The following PDE6B variants were observed in gnomAD, a reference collection of about 807,000 sequenced individuals.
The protein encoded by PDE6B is phosphodiesterase 6B, also known as rod cGMP-specific 3',5'-cyclic phosphodiesterase subunit beta.
PDE6B carries 106 observed loss-of-function variants against 109.0 expected under a neutral mutation model. The ratio of observed to expected loss-of-function variants is 0.97; its 90% CI spans 0.83 to 1.14. PDE6B has a LOEUF of 1.14. Ranked by LOEUF, PDE6B falls within the 50% of genes most tolerant of loss-of-function variation. The probability of loss-of-function intolerance (pLI) is 0.00; values close to 1 mark genes in which losing one functional copy is unlikely to be tolerated. For missense variants in PDE6B, 1,193 were observed against 1,155.6 expected (o/e 1.03, Z -0.47); for synonymous variants, 490 against 471.3 (o/e 1.04, Z -0.51).
rs537200554 is a variant in PDE6B, at chr4:626,259, T to A, written c.468+165T>A. Among the ~76,000 whole-genome samples, 13 of 152,334 alleles carry A rather than the reference T, an allele frequency of 8.5e-5. No individual in the cohort carries two copies. In the South Asian group the frequency reaches 2.7e-3, roughly 32 times the overall value. ...AGTACCTAGAGCCCCCTCCCGGCACTGTGCCCTGGCCGCCTGCCTCTCCGA... is the reference window on the plus strand; with the variant it reads ...AGTACCTAGAGCCCCCTCCCGGCACAGTGCCCTGGCCGCCTGCCTCTCCGA... On this transcript the variant is annotated intron_variant, in intron 1 of 21. Coordinates refer to ENST00000496514, the MANE Select transcript of PDE6B (RefSeq NM_000283.4). This position sits in a 1 kb window ranked among gnomAD's most constrained non-coding sequence, Gnocchi z 4.6.
intron 6 of PDE6B, chr4:655,579 G>A (rs1736119504): frequency 5.0e-6 from 2 of 398,420 alleles, no homozygotes; most frequent in Non-Finnish European, 9.5e-6. Flanking sequence ...AGCCTGGGGA[G>A]GAGGAAGAAG....
chr4:659,026 C>G lies in PDE6B; in HGVS notation c.1467+9C>G. On this transcript the variant is annotated intron_variant, in intron 11 of 21. Coordinates refer to ENST00000496514, the MANE Select transcript of PDE6B (RefSeq NM_000283.4). The stretch of plus-strand genomic sequence containing the variant: ...AGCTGGGCGAAATCCTGGTAAGAAC[C>G]TTGCTCCCGTCCCTCCCATGGAGGC... The G allele has an allele frequency of 6.2e-7, 1 of 1,610,144 alleles. No individual in the cohort carries two copies. The highest frequency in any genetic ancestry group is 8.5e-7 in the Non-Finnish European group (1 of 1,176,792).
At chr4:635,402 C>T (rs1425234074) in intron 2 of PDE6B, among the ~76,000 whole-genome samples, 2 of 123,252 alleles carry the variant, frequency 1.6e-5, no homozygotes, top group Admixed American at 7.9e-5. Context: ...CCTGCCTGCC[C>T]GTGTGTTCTG....
chr4:626,054 C>T lies in PDE6B; in HGVS notation c.428C>T (p.Ala143Val), dbSNP rs759382635. The T allele has an allele frequency of 6.3e-7, 1 of 1,596,322 alleles. No homozygotes were observed. The highest frequency in any genetic ancestry group is 2.3e-5 in the East Asian group (1 of 44,070). ...GACATCGGGGTCGTGGGCCACGTGG[C>T]TCAGACCAAAAAGATGGTGAACGTC... ...PLDIGVVGHVAQTKKMVNVED... is the reference protein window; with the variant it reads ...PLDIGVVGHVVQTKKMVNVED... The change falls in exon 1 of 22, where the codon GCT becomes GTT. Residue 143 changes from alanine to valine, a missense_variant. Physicochemically the swap from Ala to Val is moderately conservative, Grantham distance 64. Coordinates refer to ENST00000496514, the MANE Select transcript of PDE6B (RefSeq NM_000283.4). This position sits in a 1 kb window ranked among gnomAD's most constrained non-coding sequence, Gnocchi z 4.6.
rs200492958 is a variant in PDE6B at position 657,519 on chromosome 4, G to A, written c.1401+25G>A. The A allele has an allele frequency of 4.1e-6, 6 of 1,464,750 alleles. No individual in the cohort carries two copies. In the East Asian group the frequency reaches 6.7e-5, roughly 16 times the overall value. 90.7% of individuals were successfully genotyped at this position (1,464,750 alleles called of 1,614,324 possible). On this transcript the variant is annotated intron_variant, in intron 10 of 21. Coordinates refer to ENST00000496514, the MANE Select transcript of PDE6B (RefSeq NM_000283.4). ...GGTGCGGCGGGGCAGGACGTCCAGG[G>A]GTCACCCAGGGGTCACGGCTGTGTG...
chr4:639,954 C>A (rs966552721), intron 3 of PDE6B, among the ~76,000 whole-genome samples: 3 of 152,048 alleles, frequency 2.0e-5, no homozygotes, highest in Non-Finnish European at 2.9e-5. Context: ...GCCGAGATCA[C>A]CCCACTGTAC....
At chr4:641,598 C>T (rs1259013309) in intron 3 of PDE6B, among the ~76,000 whole-genome samples, 2 of 152,212 alleles carry the variant, frequency 1.3e-5, no homozygotes, top group Non-Finnish European at 2.9e-5. Context: ...ACCCATGAGG[C>T]CCTGACCACA....
In PDE6B at chr4:663,006, A is replaced by G; in HGVS notation, c.1833-94A>G. 1.3e-6 allele frequency: 1 copy of G among 793,650 alleles called. No homozygotes were observed. The highest frequency in any genetic ancestry group is 2.3e-6 in the Non-Finnish European group (1 of 438,006). The allele number at this position is 793,650 out of a possible 1,614,324, so 49.2% of individuals were successfully genotyped here. On this transcript the variant is annotated intron_variant, in intron 14 of 21. Coordinates refer to ENST00000496514, the MANE Select transcript of PDE6B (RefSeq NM_000283.4). This position sits in a 1 kb window ranked among gnomAD's most constrained non-coding sequence, Gnocchi z 4.0. ...TGACAGAGGCAGACCCTGTCTCAAA[A>G]AAAAGAAAGTGGGGCCCATCTGGGG...
At chr4:643,896 T>C (rs1304499516) in intron 3 of PDE6B, among the ~76,000 whole-genome samples, 1 of 151,282 alleles carries the variant, frequency 6.6e-6, no homozygotes, top group Non-Finnish European at 1.5e-5. Context: ...TTGTATATTT[T>C]TATTCTTATT....
chr4:660,895 G>A (rs1337898223), intron 12 of PDE6B, among the ~76,000 whole-genome samples: 1 of 138,578 alleles, frequency 7.2e-6, no homozygotes, highest in Non-Finnish European at 1.6e-5. Flanking sequence ...GGTTAGGAAG[G>A]AAGGAAGGCC....
intron 1 of PDE6B, among the ~76,000 whole-genome samples, chr4:627,660 C>A (rs1057007377): frequency 3.3e-5 from 5 of 151,050 alleles, no homozygotes; most frequent in Non-Finnish European, 7.4e-5. Context: ...TCCCTCCCCC[C>A]GTTCCCTCCT....
intron 3 of PDE6B, among the ~76,000 whole-genome samples, chr4:637,817 C>T (rs184630522): frequency 3.7e-4 from 56 of 152,340 alleles, no homozygotes; most frequent in East Asian, 1.2e-3. Context: ...CCCTGGTCCA[C>T]GACAGCGCGA....
intron 5 of PDE6B, chr4:654,433 C>A: frequency 1.6e-6 from 1 of 619,408 alleles, no homozygotes; most frequent in Non-Finnish European, 2.9e-6. Context: ...CATCTCCCCA[C>A]GTGGGACCTC....
chr4:665,404 G>A lies in PDE6B; in HGVS notation c.2268+75G>A, dbSNP rs1056935675. 3.9e-6 allele frequency: 4 copies of A among 1,033,732 alleles called. No homozygotes were observed. The highest frequency in any genetic ancestry group is 6.1e-6 in the Non-Finnish European group (4 of 660,750). 64.0% of individuals were successfully genotyped at this position (1,033,732 alleles called of 1,614,324 possible). On this transcript the variant is annotated intron_variant, in intron 19 of 21. Coordinates refer to ENST00000496514, the MANE Select transcript of PDE6B (RefSeq NM_000283.4). This position sits in a 1 kb window ranked among gnomAD's most constrained non-coding sequence, Gnocchi z 4.0. ...CCCTCTTGGTCCTCAGGAGCCTCAGGTCCTGGCTTGGTCTCAGGCAGGGGG... is the reference window on the plus strand; with the variant it reads ...CCCTCTTGGTCCTCAGGAGCCTCAGATCCTGGCTTGGTCTCAGGCAGGGGG...
chr4:654,373 C>T (rs1735936682), intron 5 of PDE6B: 1 of 672,344 alleles, frequency 1.5e-6, no homozygotes, highest in South Asian at 1.6e-5. Context: ...GGCCGCCAGG[C>T]TGGTCGTGAA....
chr4:634,636 G>C (rs760609253), intron 1 of PDE6B, 41 bp from the exon 2 acceptor site: 4 of 1,570,256 alleles, frequency 2.5e-6, no homozygotes, highest in Non-Finnish European at 2.6e-6. Flanking sequence ...CCAGGCCCAC[G>C]GTGCGACAGC....
At position 664,078 on chromosome 4, in the gene PDE6B, G is replaced by C. The variant is rs374508138; in HGVS notation, c.2022-36G>C. The C allele has an allele frequency of 7.0e-6, 10 of 1,426,644 alleles. No individual in the cohort carries two copies. The African/African-American group carries it at 1.4e-4, about 20-fold the overall frequency. 88.4% of individuals were successfully genotyped at this position (1,426,644 alleles called of 1,614,324 possible). ...CGCTTGGGGCGGGGTCTCCACACTT[G>C]CTCCCACCTGCACCTCCCTTGTTCC... On this transcript the variant is annotated intron_variant, in intron 16 of 21. Transcript: ENST00000496514.
At chr4:647,943 T>C (rs756852472) in intron 3 of PDE6B, among the ~76,000 whole-genome samples, 9 of 151,706 alleles carry the variant, frequency 5.9e-5, no homozygotes, top group Middle Eastern at 3.2e-3. Context: ...GGCGTGGTGG[T>C]GCATGCCTAT....
rs1357102760 is a variant in PDE6B at position 626,230 on chromosome 4, A to G, written c.468+136A>G. The G allele has an allele frequency of 1.6e-6, 1 of 632,808 alleles. No individual in the cohort carries two copies. Among genetic ancestry groups the G allele is most frequent in the Non-Finnish European group, 2.8e-6 (1 of 357,362 alleles). The allele number at this position is 632,808 out of a possible 1,614,324, so 39.2% of individuals were successfully genotyped here. A position where few individuals can be genotyped will look rare whatever the true frequency, so the allele number is the denominator to read the frequency against. ...GGCACAGGCTAGTTCTGTGCTGAGG[A>G]GCAAGTACCTAGAGCCCCCTCCCGG... On this transcript the variant is annotated intron_variant, in intron 1 of 21. Coordinates refer to ENST00000496514, the MANE Select transcript of PDE6B (RefSeq NM_000283.4). This position sits in a 1 kb window ranked among gnomAD's most constrained non-coding sequence, Gnocchi z 4.6.
Sources: allele counts gnomAD v4.1 joint callset (sites outside exome capture counted in the v4.1 genomes callset), GRCh38; gene constraint gnomAD v4.1.1; non-coding constraint Gnocchi (gnomAD v3.1); transcripts MANE v1.5; gene names NCBI Gene and HGNC (gene_info 2026-07-23, HGNC 2026-07-21).